ALK: variants seen among roughly 807,000 people sequenced by gnomAD.
ALK encodes ALK tyrosine kinase receptor.
ALK carries 74 observed loss-of-function variants against 163.1 expected under a neutral mutation model. The observed-to-expected ratio is 0.45, with a 90% CI of 0.38 to 0.55. The LOEUF is 0.55. Among genes scored for constraint, ALK ranks in the 20% least tolerant of loss-of-function variants. The probability of loss-of-function intolerance (pLI) is 0.00; values close to 1 mark genes in which losing one functional copy is unlikely to be tolerated. For missense variants in ALK, 2,063 were observed against 2,105.3 expected (o/e 0.98, Z 0.39); for synonymous variants, 960 against 843.2 (o/e 1.14, Z -2.40).
intron 3 of ALK, among the ~76,000 whole-genome samples, chr2:29,687,792 C>T (rs1045858002): frequency 2.6e-5 from 4 of 151,944 alleles, no homozygotes; most frequent in African/African-American, 7.3e-5. Context: ...TAATAAGTTC[C>T]AAATATTTCC....
intron 11 of ALK, among the ~76,000 whole-genome samples, chr2:29,268,002 G>A (rs1315497882): frequency 6.6e-6 from 1 of 152,196 alleles, no homozygotes; most frequent in African/African-American, 2.4e-5. Context: ...TCTCACTTAT[G>A]CAAGCTTTCA....
chr2:29,658,718 T>C (rs72864474), intron 3 of ALK, among the ~76,000 whole-genome samples: 4,327 of 152,240 alleles, frequency 0.028, 178 homozygotes, highest in African/African-American at 0.09. Flanking sequence ...TGCTAGTATA[T>C]TTACTTTCTA....
intron 4 of ALK, among the ~76,000 whole-genome samples, chr2:29,501,299 G>A (rs1233890153): frequency 3.9e-5 from 6 of 152,140 alleles, no homozygotes; most frequent in Non-Finnish European, 7.3e-5. Context: ...TTCATCCTGT[G>A]AGCCTCACTT....
chr2:29,222,895 C>T lies in ALK; in HGVS notation c.3360-288G>A, dbSNP rs142850174. 1.5e-3 allele frequency among the ~76,000 whole-genome samples: 236 copies of T among 152,298 alleles called. 2 individuals carry two copies. Among genetic ancestry groups the T allele is most frequent in the African/African-American group, 5.2e-3 (215 of 41,578 alleles). ...GAGTCTCTGATATTTGCCAGGGACACAGGGGTGCATAAGCCATGGCTTTTC... is the reference window on the plus strand; with the variant it reads ...GAGTCTCTGATATTTGCCAGGGACATAGGGGTGCATAAGCCATGGCTTTTC... On this transcript the variant is annotated intron_variant, in intron 20 of 28. Transcript: ENST00000389048.
chr2:29,920,350 G>T lies in ALK; in HGVS notation c.310C>A (p.Pro104Thr), dbSNP rs576431612. Reference sequence around the variant, plus strand: ...GCGGTCCAGGAGACCCCCGGCGCCGGCCCCAGCAACCTGAGCAGCGGGGCG... The same window carrying T: ...GCGGTCCAGGAGACCCCCGGCGCCGTCCCCAGCAACCTGAGCAGCGGGGCG... ...DCAPLLRLLGPAPGVSWTAGS... is the reference protein window; with the variant it reads ...DCAPLLRLLGTAPGVSWTAGS... Residue 104 changes from proline to threonine, a missense_variant, in exon 1 of 29, where the codon CCG becomes ACG. Coordinates refer to ENST00000389048, the MANE Select transcript of ALK (RefSeq NM_004304.5). 23 of 1,552,024 alleles carry T rather than the reference G, an allele frequency of 1.5e-5. No individual in the cohort carries two copies. In the Admixed American group the frequency reaches 3.5e-4, roughly 24 times the overall value.
chr2:29,340,125 A>G (rs1667747206), intron 5 of ALK, among the ~76,000 whole-genome samples: 1 of 152,178 alleles, frequency 6.6e-6, no homozygotes, highest in Non-Finnish European at 1.5e-5. Flanking sequence ...CTCTGTGTCT[A>G]TTTTGCCATT....
intron 4 of ALK, among the ~76,000 whole-genome samples, chr2:29,440,245 CA>C (rs575765361): frequency 8.7e-5 from 13 of 149,956 alleles, no homozygotes; most frequent in African/African-American, 2.9e-4. Context: ...AAAACAAAAA[CA>C]AAAAAAACCA....
chr2:29,786,068 A>T (rs1664013587), intron 1 of ALK, among the ~76,000 whole-genome samples: 2 of 152,168 alleles, frequency 1.3e-5, no homozygotes, highest in South Asian at 4.1e-4. Context: ...GCCTTCACTC[A>T]GGCACACAAT....
At chr2:29,516,532 G>T (rs1418680439) in intron 4 of ALK, among the ~76,000 whole-genome samples, 1 of 152,188 alleles carries the variant, frequency 6.6e-6, no homozygotes, top group Non-Finnish European at 1.5e-5. Flanking sequence ...CATGTCACCT[G>T]CCAGGGCCAC....
At chr2:29,285,223 C>G (rs1373990923) in intron 9 of ALK, among the ~76,000 whole-genome samples, 3 of 151,874 alleles carry the variant, frequency 2.0e-5, no homozygotes, top group Non-Finnish European at 4.4e-5. Flanking sequence ...TGCTTCCCGC[C>G]CTCCAGCCTA....
chr2:29,193,419 G>A lies in ALK; in HGVS notation c.4668C>T (p.Leu1556=), dbSNP rs2148137568. The change falls in exon 29 of 29, where the codon CTC becomes CTT. Residue 1556 remains leucine (L), a synonymous_variant. Transcript: ENST00000389048. ...TGGCAGTCAGCGAAGAGGGCTCTAG[G>A]AGCAGTGAGGCCCCCGGAAGTCTCC... ...ATGRLPGASL[L]LEPSSLTANM... 1 of 1,614,228 alleles carries A rather than the reference G, an allele frequency of 6.2e-7. No homozygotes were observed. The highest frequency in any genetic ancestry group is 8.5e-7 in the Non-Finnish European group (1 of 1,180,040).
intron 11 of ALK, among the ~76,000 whole-genome samples, chr2:29,253,141 A>AATTG (rs1248602121): frequency 1.3e-5 from 2 of 152,112 alleles, no homozygotes; most frequent in African/African-American, 4.8e-5. Flanking sequence ...TATGGGCATG[A>AATTG]ATTACCATGC....
chr2:29,705,252 T>A (rs1157734101), intron 2 of ALK, among the ~76,000 whole-genome samples: 2 of 40,540 alleles, frequency 4.9e-5, no homozygotes, highest in South Asian at 6.6e-4. Flanking sequence ...TATATATATA[T>A]ATATATATAT....
rs147043556 is a variant in ALK at position 29,198,776 on chromosome 2, G to A, written c.3939-1100C>T. On this transcript the variant is annotated intron_variant, in intron 26 of 28. Transcript: ENST00000389048. Reference sequence around the variant, plus strand: ...TGTTTATTGACTTGATAATTCACATGGTTGGATGTTTTCCCAAGTGTTTAT... The same window carrying A: ...TGTTTATTGACTTGATAATTCACATAGTTGGATGTTTTCCCAAGTGTTTAT... Among the ~76,000 whole-genome samples the A allele has an allele frequency of 3.9e-5, 6 of 152,132 alleles. No homozygotes were observed. The East Asian group carries it at 1.2e-3, about 29-fold the overall frequency.
intron 1 of ALK, among the ~76,000 whole-genome samples, chr2:29,894,833 AACAC>A (rs762896113): frequency 6.0e-5 from 9 of 149,982 alleles, no homozygotes; most frequent in Admixed American, 4.6e-4. Flanking sequence ...TGATGCTTCA[AACAC>A]ACACACACAC....
chr2:29,506,869 G>T (rs1672341381), intron 4 of ALK, among the ~76,000 whole-genome samples: 1 of 152,220 alleles, frequency 6.6e-6, no homozygotes, highest in Non-Finnish European at 1.5e-5. Context: ...CTTAAAGGAA[G>T]AGGTGAAAAT....
At chr2:29,361,833 T>C (rs762831241) in intron 5 of ALK, among the ~76,000 whole-genome samples, 2 of 152,214 alleles carry the variant, frequency 1.3e-5, no homozygotes, top group African/African-American at 2.4e-5. Flanking sequence ...TCTTTGTTTA[T>C]TGACTGAAGG....
At chr2:29,617,598 C>T (rs1412559191) in intron 3 of ALK, among the ~76,000 whole-genome samples, 4 of 152,156 alleles carry the variant, frequency 2.6e-5, no homozygotes, top group Admixed American at 6.5e-5. Flanking sequence ...TGGCCCCTGT[C>T]CTGTCAGCTC....
chr2:29,408,893 G>T (rs1374424804), intron 4 of ALK, among the ~76,000 whole-genome samples: 1 of 152,210 alleles, frequency 6.6e-6, no homozygotes, highest in African/African-American at 2.4e-5. Flanking sequence ...GAAAAGAACA[G>T]AACTTGCTGA....
Sources: gnomAD v4.1 joint callset for allele counts (sites outside exome capture counted in the v4.1 genomes callset) on GRCh38, gnomAD v4.1.1 for gene constraint, MANE v1.5 for transcripts, NCBI Gene and HGNC (gene_info 2026-07-23, HGNC 2026-07-21) for gene names.